The following RNF130 variants were observed in gnomAD, a reference collection of about 807,000 sequenced individuals.
The protein encoded by RNF130 is E3 ubiquitin-protein ligase RNF130.
In RNF130, 21 loss-of-function variants were observed where a neutral mutation model predicts 44.6. The ratio of observed to expected loss-of-function variants is 0.47; its 90% CI spans 0.33 to 0.68. The LOEUF (loss-of-function observed/expected upper bound fraction) is 0.68. Ranked by LOEUF, RNF130 falls within the 30% of genes least tolerant of loss-of-function variation. The probability of loss-of-function intolerance (pLI) is 0.02; values close to 1 mark genes in which losing one functional copy is unlikely to be tolerated. For missense variants in RNF130, 479 were observed against 560.6 expected (o/e 0.85, Z 1.47); for synonymous variants, 214 against 210.4 (o/e 1.02, Z -0.15).
chr5:180,051,638 T>G (rs953671561), intron 1 of RNF130, among the ~76,000 whole-genome samples: 3 of 152,310 alleles, frequency 2.0e-5, no homozygotes, highest in South Asian at 2.1e-4. Flanking sequence ...ACAGTGGAAC[T>G]GCAGCAGATG....
intron 1 of RNF130, among the ~76,000 whole-genome samples, chr5:180,047,472 T>C (rs1764591680): frequency 6.6e-6 from 1 of 152,258 alleles, no homozygotes; most frequent in African/African-American, 2.4e-5. Flanking sequence ...TGGCCCGGCG[T>C]GGTGGTTCAT....
intron 3 of RNF130, among the ~76,000 whole-genome samples, chr5:179,984,634 A>G (rs1762914040): frequency 6.6e-6 from 1 of 152,172 alleles, no homozygotes; most frequent in Non-Finnish European, 1.5e-5. Flanking sequence ...ATTGTTAAAT[A>G]TAATTTGCTA....
chr5:179,943,502 T>C (rs1422041867), intron 7 of RNF130, among the ~76,000 whole-genome samples: 2 of 152,150 alleles, frequency 1.3e-5, no homozygotes, highest in Non-Finnish European at 2.9e-5. Context: ...ACTTATTACT[T>C]ATTCAGAAAA....
chr5:179,961,586 C>T (rs3797769), intron 8 of RNF130, among the ~76,000 whole-genome samples: 2,876 of 152,252 alleles, frequency 0.019, 68 homozygotes, highest in East Asian at 0.15. Flanking sequence ...TATTAAACTA[C>T]CCAATAATTC....
At chr5:179,916,630 C>A (rs940043754) in exon 8 of RNF130, 2 of 152,256 alleles carry the variant, frequency 1.3e-5, no homozygotes, top group Non-Finnish European at 2.9e-5. Flanking sequence ...GAATGTGCCT[C>A]GCAGCCAGGC....
At chr5:180,046,565 G>A (rs1582218176) in intron 1 of RNF130, among the ~76,000 whole-genome samples, 2 of 152,244 alleles carry the variant, frequency 1.3e-5, no homozygotes, top group East Asian at 1.9e-4. Flanking sequence ...TGATAGCCTC[G>A]GACAGTATTT....
At chr5:180,005,150 C>T (rs1341494787) in intron 3 of RNF130, among the ~76,000 whole-genome samples, 4 of 152,112 alleles carry the variant, frequency 2.6e-5, no homozygotes, top group South Asian at 2.1e-4. Context: ...ACTGATGGCC[C>T]GGCGTGGTGG....
intron 5 of RNF130, among the ~76,000 whole-genome samples, chr5:179,974,636 C>G (rs1762675345): frequency 6.6e-6 from 1 of 152,246 alleles, no homozygotes; most frequent in Admixed American, 6.5e-5. Context: ...CTCCCTCCCT[C>G]ACGGAGGGAA....
At chr5:179,926,980 C>G (rs1761717133) in intron 7 of RNF130, among the ~76,000 whole-genome samples, 1 of 152,218 alleles carries the variant, frequency 6.6e-6, no homozygotes, top group African/African-American at 2.4e-5. Flanking sequence ...GCCCCCACCA[C>G]TGACTGTTGG....
chr5:180,003,821 T>C (rs556938315), intron 3 of RNF130, among the ~76,000 whole-genome samples: 2 of 152,292 alleles, frequency 1.3e-5, no homozygotes, highest in Admixed American at 6.5e-5. Context: ...CACCATGCCA[T>C]TAAGTCACTG....
intron 1 of RNF130, among the ~76,000 whole-genome samples, chr5:180,064,189 A>T (rs1396673945): frequency 6.6e-6 from 1 of 152,218 alleles, no homozygotes; most frequent in East Asian, 1.9e-4. Flanking sequence ...GTCTCCTGAA[A>T]TACTGTTTAG....
chr5:180,006,650 C>A (rs1169916439), intron 3 of RNF130, among the ~76,000 whole-genome samples: 1 of 152,086 alleles, frequency 6.6e-6, no homozygotes, highest in Non-Finnish European at 1.5e-5. Context: ...TACATCTGCC[C>A]CGTTCCTAAA....
At chr5:180,021,337 G>A (rs939653742) in intron 2 of RNF130, among the ~76,000 whole-genome samples, 3 of 151,692 alleles carry the variant, frequency 2.0e-5, no homozygotes, top group Non-Finnish European at 4.4e-5. Flanking sequence ...TCTCTCCTCC[G>A]GAAAAACACC....
intron 1 of RNF130, among the ~76,000 whole-genome samples, chr5:180,060,256 C>T (rs978434747): frequency 5.3e-5 from 8 of 152,188 alleles, no homozygotes; most frequent in Non-Finnish European, 1.2e-4. Context: ...TGTGAGCCAC[C>T]TAGTTTTTGG....
chr5:179,963,487 T>C lies in RNF130; in HGVS notation c.1228A>G (p.Ser410Gly). The C allele has an allele frequency of 6.2e-7, 1 of 1,613,850 alleles. No individual in the cohort carries two copies. Among genetic ancestry groups the C allele is most frequent in the Non-Finnish European group, 8.5e-7 (1 of 1,179,742 alleles). ...GTTACTTACTCATTAGCATTCAAGC[T>C]AGCTGTGGCTCTGATGATCATGTAG... ...LCYMIIRATA[S>G]LNANEVEWF The change falls in exon 8 of 9, where the codon AGC becomes GGC. Residue 410 changes from serine to glycine, a missense_variant. Transcript: ENST00000521389.
intron 2 of RNF130, among the ~76,000 whole-genome samples, chr5:180,026,742 A>C (rs1343900847): frequency 6.6e-6 from 1 of 152,274 alleles, no homozygotes; most frequent in Admixed American, 6.5e-5. Flanking sequence ...GCCTTAAATG[A>C]AAAGAAAGCT....
intron 3 of RNF130, among the ~76,000 whole-genome samples, chr5:179,994,871 C>T (rs951276206): frequency 1.3e-5 from 2 of 152,164 alleles, no homozygotes; most frequent in African/African-American, 2.4e-5. Context: ...TACGACTTAT[C>T]TTTGTTAACC....
chr5:179,961,923 T>C (rs1762338571), intron 8 of RNF130, among the ~76,000 whole-genome samples: 1 of 152,230 alleles, frequency 6.6e-6, no homozygotes, highest in Non-Finnish European at 1.5e-5. Context: ...GCACTTCTTA[T>C]GTACCAGGCA....
chr5:179,937,235 G>C (rs1343830582), intron 7 of RNF130, among the ~76,000 whole-genome samples: 2 of 152,070 alleles, frequency 1.3e-5, no homozygotes, highest in Admixed American at 1.3e-4. Flanking sequence ...CTTGTGCTTT[G>C]AAAGATGCTA....
Sources: gnomAD v4.1 joint callset for allele counts (sites outside exome capture counted in the v4.1 genomes callset) on GRCh38, gnomAD v4.1.1 for gene constraint, MANE v1.5 for transcripts, NCBI Gene and HGNC (gene_info 2026-07-23, HGNC 2026-07-21) for gene names.